Variants in FOXO1 observed in about 807,000 individuals in gnomAD.
FOXO1 encodes forkhead box O1.
In FOXO1, 6 loss-of-function variants were observed where a neutral mutation model predicts 44.1. That is an observed-to-expected ratio of 0.14 (90% CI 0.07 to 0.27). The LOEUF is 0.27. Among genes scored for constraint, FOXO1 ranks in the 10% least tolerant of loss-of-function variants. The pLI, the probability that FOXO1 is intolerant of heterozygous loss-of-function variation, is 1.00. For synonymous variants in FOXO1, 380 were observed against 362.7 expected, an observed-to-expected ratio of 1.05 and a Z score of -0.54; for missense variants, 737 against 888.8, an observed-to-expected ratio of 0.83 and a Z score of 2.17.
At chr13:40,650,782 TCTCA>T (rs1352366816) in intron 1 of FOXO1, among the ~76,000 whole-genome samples, 3 of 152,140 alleles carry the variant, frequency 2.0e-5, no homozygotes, top group Non-Finnish European at 2.9e-5. Flanking sequence ...TGAGATGGAG[TCTCA>T]CTCTGTTACC....
chr13:40,603,894 A>G (rs1348011742), intron 1 of FOXO1, among the ~76,000 whole-genome samples: 1 of 152,266 alleles, frequency 6.6e-6, no homozygotes, highest in Non-Finnish European at 1.5e-5. Context: ...CAAGAAAACT[A>G]TAACTCAACT....
chr13:40,563,409 G>A (rs1470562563), intron 1 of FOXO1, among the ~76,000 whole-genome samples: 4 of 152,158 alleles, frequency 2.6e-5, no homozygotes, highest in Admixed American at 6.5e-5. Flanking sequence ...ATTTCAAAAC[G>A]CCCTCTGACT....
At chr13:40,589,298 T>A (rs2137862667) in intron 1 of FOXO1, among the ~76,000 whole-genome samples, 1 of 152,226 alleles carries the variant, frequency 6.6e-6, no homozygotes, top group South Asian at 2.1e-4. Context: ...AAGAAAAGAC[T>A]GGCATAAAAT....
At chr13:40,588,598 C>T (rs145189564) in intron 1 of FOXO1, among the ~76,000 whole-genome samples, 1 of 152,322 alleles carries the variant, frequency 6.6e-6, no homozygotes, top group African/African-American at 2.4e-5. Flanking sequence ...AGACCCCTCA[C>T]TTACAGGGGC....
chr13:40,596,408 ACAGCCTT>A (rs1354908783), intron 1 of FOXO1, among the ~76,000 whole-genome samples: 2 of 152,210 alleles, frequency 1.3e-5, no homozygotes, highest in African/African-American at 4.8e-5. Context: ...TACCTTGCAT[ACAGCCTT>A]TGTGGGCTAC....
intron 1 of FOXO1, among the ~76,000 whole-genome samples, chr13:40,572,970 C>T (rs1420820249): frequency 6.6e-6 from 1 of 152,214 alleles, no homozygotes; most frequent in Non-Finnish European, 1.5e-5. Context: ...AAGCAGCTCA[C>T]ATAAATGTTT....
Position 40,664,692 on chromosome 13 carries a change from G to C in FOXO1, c.630+891C>G, listed in dbSNP as rs79224640. Among the ~76,000 whole-genome samples the C allele has an allele frequency of 1.1e-3, 161 of 152,252 alleles. 4 individuals carry two copies. The East Asian group carries it at 0.019, about 18-fold the overall frequency. ...TTTCTAACTAAAAGCCTCCTACCAG[G>C]GGCAAGACCAAGTTCGGGCGCTTCC... On this transcript the variant is annotated intron_variant, in intron 1 of 2. Transcript: ENST00000379561.
chr13:40,652,171 T>C (rs1245765744), intron 1 of FOXO1, among the ~76,000 whole-genome samples: 1 of 152,202 alleles, frequency 6.6e-6, no homozygotes, highest in Non-Finnish European at 1.5e-5. Flanking sequence ...GAGAGAGTTC[T>C]GCTGCAAACA....
intron 1 of FOXO1, among the ~76,000 whole-genome samples, chr13:40,640,658 C>T (rs1189585618): frequency 6.6e-6 from 1 of 150,920 alleles, no homozygotes; most frequent in African/African-American, 2.4e-5. Flanking sequence ...TTCTTTTTGT[C>T]CTCGTCCCTT....
intron 1 of FOXO1, among the ~76,000 whole-genome samples, chr13:40,637,573 A>G (rs1467989748): frequency 6.6e-6 from 1 of 151,762 alleles, no homozygotes; most frequent in Non-Finnish European, 1.5e-5. Flanking sequence ...TCTGCTTTCT[A>G]TATATAATCT....
intron 1 of FOXO1, among the ~76,000 whole-genome samples, chr13:40,627,315 T>C (rs1399977971): frequency 6.6e-6 from 1 of 152,204 alleles, no homozygotes; most frequent in African/African-American, 2.4e-5. Flanking sequence ...CCTTGGACAC[T>C]TTAAAAATAG....
chr13:40,620,456 T>G (rs1876572316), intron 1 of FOXO1: 1 of 629,764 alleles, frequency 1.6e-6, no homozygotes, highest in Non-Finnish European at 2.9e-6. Flanking sequence ...CATCAGTGGC[T>G]CTTCGGTCAA....
intron 1 of FOXO1, among the ~76,000 whole-genome samples, chr13:40,586,323 G>A (rs1875163576): frequency 6.6e-6 from 1 of 152,158 alleles, no homozygotes; most frequent in East Asian, 1.9e-4. Flanking sequence ...GAAAGCCACA[G>A]AAACAGAAGG....
chr13:40,626,521 G>A (rs1214153026), intron 1 of FOXO1, among the ~76,000 whole-genome samples: 1 of 152,172 alleles, frequency 6.6e-6, no homozygotes, highest in Non-Finnish European at 1.5e-5. Flanking sequence ...TACTAAACAT[G>A]CCTAAATTTT....
At chr13:40,604,701 A>T (rs1010230931) in intron 1 of FOXO1, among the ~76,000 whole-genome samples, 40 of 152,070 alleles carry the variant, frequency 2.6e-4, no homozygotes, top group African/African-American at 8.9e-4. Flanking sequence ...ACAACTCTAT[A>T]TTTTTTTACC....
intron 1 of FOXO1, among the ~76,000 whole-genome samples, chr13:40,652,290 T>C: frequency 7.3e-6 from 1 of 136,546 alleles, no homozygotes; most frequent in African/African-American, 2.7e-5. Flanking sequence ...CTGGTGATTC[T>C]TTTTTTTTTT....
intron 1 of FOXO1, among the ~76,000 whole-genome samples, chr13:40,613,843 G>A (rs1199988964): frequency 1.3e-5 from 2 of 152,206 alleles, no homozygotes; most frequent in Non-Finnish European, 2.9e-5. Flanking sequence ...TCATGGAACT[G>A]AAGTTGGATC....
chr13:40,607,188 C>T (rs1876030095), intron 1 of FOXO1, among the ~76,000 whole-genome samples: 1 of 152,206 alleles, frequency 6.6e-6, no homozygotes, highest in Non-Finnish European at 1.5e-5. Flanking sequence ...GTACAGAAGG[C>T]ACAGTGCAAT....
At chr13:40,631,967 C>A (rs1396382796) in intron 1 of FOXO1, among the ~76,000 whole-genome samples, 1 of 152,016 alleles carries the variant, frequency 6.6e-6, no homozygotes, top group South Asian at 2.1e-4. Flanking sequence ...AGGACACTAC[C>A]TCCAAAAAAA....
Sources: gnomAD v4.1 joint callset for allele counts (sites outside exome capture counted in the v4.1 genomes callset) on GRCh38, gnomAD v4.1.1 for gene constraint, MANE v1.5 for transcripts, NCBI Gene and HGNC (gene_info 2026-07-23, HGNC 2026-07-21) for gene names.